EFCAB9: variants seen among roughly 807,000 people sequenced by gnomAD.
EFCAB9 encodes the protein EF-hand calcium binding domain 9.
Under a neutral mutation model 15.6 loss-of-function variants are expected in EFCAB9, and 16 were observed. The observed-to-expected ratio is 1.03, with a 90% CI of 0.69 to 1.56. The LOEUF (loss-of-function observed/expected upper bound fraction) is 1.56. Among genes scored for constraint, EFCAB9 ranks in the 40% most tolerant of loss-of-function variants. The pLI is 0.00. For missense variants in EFCAB9, 208 were observed against 235.4 expected, an observed-to-expected ratio of 0.88 and a Z score of 0.76; for synonymous variants, 76 against 85.4, an observed-to-expected ratio of 0.89 and a Z score of 0.61.
intron 1 of EFCAB9, 140 bp downstream of exon 1, chr5:172,194,448 G>A: frequency 8.9e-7 from 1 of 1,121,480 alleles, no homozygotes; most frequent in South Asian, 1.7e-5. Context: ...TGCCCAGGCT[G>A]GAGTACGATG....
At position 172,203,407 on chromosome 5, in the gene EFCAB9, T is replaced by G; in HGVS notation, c.*62T>G. On this transcript the variant is annotated 3_prime_UTR_variant, in exon 4 of 4. Coordinates refer to ENST00000398186, the MANE Select transcript of EFCAB9 (RefSeq NM_001171183.2). ...TGAAAGTACAGAACATGAACATTGA[T>G]GAAGACTGTTAACATGTCTAAAAAT... 1 of 1,483,630 alleles carries G rather than the reference T, an allele frequency of 6.7e-7. No individual in the cohort carries two copies. Among genetic ancestry groups the G allele is most frequent in the Non-Finnish European group, 8.9e-7 (1 of 1,124,008 alleles). 91.9% of individuals were successfully genotyped at this position (1,483,630 alleles called of 1,614,324 possible).
chr5:172,198,115 A>C (rs1374483528), intron 1 of EFCAB9, among the ~76,000 whole-genome samples: 1 of 152,172 alleles, frequency 6.6e-6, no homozygotes, highest in Non-Finnish European at 1.5e-5. Flanking sequence ...AAAGTTCTCC[A>C]AGTCCCCACT....
At chr5:172,200,808 C>T in intron 3 of EFCAB9, 66 bp downstream of exon 3, 1 of 1,446,476 alleles carries the variant, frequency 6.9e-7, no homozygotes, top group Non-Finnish European at 9.2e-7. Context: ...GAAAAATGTC[C>T]TACTACATAT....
In EFCAB9 at chr5:172,199,435, G is replaced by C; in HGVS notation, c.189G>C (p.Gln63His). ...ATGTGACTGACTTGAAAAAGGCACA[G>C]ATCAACATTGTGTTTGACATGCTGG... Reference protein sequence around the residue: ...LHHVTDLKKAQINIVFDMLDW... With the variant: ...LHHVTDLKKAHINIVFDMLDW... Residue 63 changes from glutamine to histidine, a missense_variant, in exon 2 of 4, where the codon CAG becomes CAC. Coordinates refer to ENST00000398186, the MANE Select transcript of EFCAB9 (RefSeq NM_001171183.2). The C allele has an allele frequency of 1.3e-6, 2 of 1,537,216 alleles. No homozygotes were observed. Among genetic ancestry groups the C allele is most frequent in the Non-Finnish European group, 1.7e-6 (2 of 1,146,894 alleles).
chr5:172,197,129 CAG>C (rs1242270864), intron 1 of EFCAB9, among the ~76,000 whole-genome samples: 4 of 147,478 alleles, frequency 2.7e-5, no homozygotes, highest in African/African-American at 5.0e-5. Context: ...TTTTTTTAAA[CAG>C]AGTTTCACTT....
At chr5:172,197,382 C>T (rs983527902) in intron 1 of EFCAB9, among the ~76,000 whole-genome samples, 1 of 152,182 alleles carries the variant, frequency 6.6e-6, no homozygotes. Flanking sequence ...GCTAGGATTA[C>T]AGGCATGAGC....
At chr5:172,194,983 G>A (rs955518598) in intron 1 of EFCAB9, among the ~76,000 whole-genome samples, 1 of 151,814 alleles carries the variant, frequency 6.6e-6, no homozygotes, top group Non-Finnish European at 1.5e-5. Flanking sequence ...CTGACACATC[G>A]TAAGGACTTA....
intron 2 of EFCAB9, 72 bp from the exon 3 acceptor site, chr5:172,200,494 T>C (rs535310760): frequency 1.4e-6 from 2 of 1,434,462 alleles, no homozygotes; most frequent in East Asian, 2.5e-5. Context: ...TGAAGATATG[T>C]CTTGAGGAAA....
intron 1 of EFCAB9, among the ~76,000 whole-genome samples, chr5:172,195,868 A>G (rs748809779): frequency 1.3e-5 from 2 of 152,222 alleles, no homozygotes; most frequent in South Asian, 4.1e-4. Flanking sequence ...CAGTGGCCCA[A>G]TCTTGGCTCA....
In EFCAB9 at chr5:172,203,274, A is replaced by G; in HGVS notation, c.523A>G (p.Arg175Gly). Residue 175 changes from arginine (R) to glycine (G), a missense_variant, in exon 4 of 4, where the codon AGG becomes GGG. Transcript: ENST00000398186. Reference protein sequence around the residue: ...TIIYTDKLQKRQKTEEKEKGE... With the variant: ...TIIYTDKLQKGQKTEEKEKGE... ...CATCTACACTGACAAATTACAGAAG[A>G]GGCAGAAAACAGAGGAGAAAGAAAA... is the stretch of plus-strand genomic sequence containing the variant. The G allele has an allele frequency of 6.5e-7, 1 of 1,536,962 alleles. No homozygotes were observed. The highest frequency in any genetic ancestry group is 1.4e-5 in the African/African-American group (1 of 73,142).
intron 1 of EFCAB9, 122 bp downstream of exon 1, chr5:172,194,430 C>T (rs1024526303): frequency 1.3e-5 from 17 of 1,261,602 alleles, no homozygotes; most frequent in Admixed American, 1.1e-4. Context: ...GACGGAATCT[C>T]GCTCTATTGC....
At chr5:172,200,216 C>T (rs545353584) in intron 2 of EFCAB9, among the ~76,000 whole-genome samples, 3 of 152,186 alleles carry the variant, frequency 2.0e-5, no homozygotes, top group South Asian at 4.1e-4. Context: ...CACCACACCC[C>T]GCCTCAGTTC....
rs1771293052 is a variant in EFCAB9, at chr5:172,203,454, A to G, written c.*109A>G. On this transcript the variant is annotated 3_prime_UTR_variant, in exon 4 of 4. Transcript: ENST00000398186. ...AAATAAATTCAGAGCATCAAAGTAGATATCTTTATAATGACTTTTTTTTTT... is the reference window on the plus strand; with the variant it reads ...AAATAAATTCAGAGCATCAAAGTAGGTATCTTTATAATGACTTTTTTTTTT... The G allele has an allele frequency of 1.4e-5, 19 of 1,330,888 alleles. No individual in the cohort carries two copies. Among genetic ancestry groups the G allele is most frequent in the South Asian group, 1.1e-4 (7 of 63,132 alleles). 82.4% of individuals were successfully genotyped at this position (1,330,888 alleles called of 1,614,324 possible).
At chr5:172,200,335 A>C (rs1771236077) in intron 2 of EFCAB9, among the ~76,000 whole-genome samples, 1 of 152,222 alleles carries the variant, frequency 6.6e-6, no homozygotes, top group South Asian at 2.1e-4. Flanking sequence ...GGTTCCGTCT[A>C]GCAGAATTGA....
chr5:172,194,426 A>G (rs6862632), intron 1 of EFCAB9, 118 bp downstream of exon 1: 448,180 of 1,286,072 alleles, frequency 0.35, 85,921 homozygotes, highest in African/African-American at 0.75. Flanking sequence ...TTGAGACGGA[A>G]TCTCGCTCTA....
intron 1 of EFCAB9, among the ~76,000 whole-genome samples, chr5:172,195,456 G>A (rs1465514100): frequency 6.6e-6 from 1 of 152,180 alleles, no homozygotes. Flanking sequence ...AGAGATTTAT[G>A]TACAGTGCAT....
In EFCAB9 at chr5:172,203,201, ACC is replaced by A. The variant is rs1315362395; in HGVS notation, c.463-11_463-10del. ...CTGAAATAATTTTTCTTTCCCCCCCACCCTAACCAAAGCGTCTTAATTATCAG... is the reference window on the plus strand; with the variant it reads ...CTGAAATAATTTTTCTTTCCCCCCCACTAACCAAAGCGTCTTAATTATCAG... On this transcript the variant is annotated splice_polypyrimidine_tract_variant and intron_variant, in intron 3 of 3. Coordinates refer to ENST00000398186, the MANE Select transcript of EFCAB9 (RefSeq NM_001171183.2). 1 of 160,250 alleles carries A rather than the reference ACC, an allele frequency of 6.2e-6. No homozygotes were observed. The highest frequency in any genetic ancestry group is 8.6e-6 in the Non-Finnish European group (1 of 115,742). The allele number at this position is 160,250 out of a possible 1,614,324, so 9.9% of individuals were successfully genotyped here. A position where few individuals can be genotyped will look rare whatever the true frequency, so the allele number is the denominator to read the frequency against.
At chr5:172,196,667 C>T (rs991307072) in intron 1 of EFCAB9, among the ~76,000 whole-genome samples, 4 of 151,952 alleles carry the variant, frequency 2.6e-5, no homozygotes, top group Non-Finnish European at 4.4e-5. Context: ...TGACCCACCG[C>T]ACCTGCCCAC....
rs111710772 is a variant in EFCAB9 at position 172,203,062 on chromosome 5, C to T, written c.463-152C>T. Among the ~76,000 whole-genome samples, 850 of 152,282 alleles carry T rather than the reference C, an allele frequency of 5.6e-3. 8 individuals carry two copies. Among genetic ancestry groups the T allele is most frequent in the African/African-American group, 0.019 (798 of 41,552 alleles). On this transcript the variant is annotated intron_variant, in intron 3 of 3. Coordinates refer to ENST00000398186, the MANE Select transcript of EFCAB9 (RefSeq NM_001171183.2). ...AATAGACTCTCTATTCCTGGGTACT[C>T]GACTACAATCGGACTATAATTATGT...
Sources: gnomAD v4.1 joint callset for allele counts (sites outside exome capture counted in the v4.1 genomes callset) on GRCh38, gnomAD v4.1.1 for gene constraint, MANE v1.5 for transcripts, NCBI Gene and HGNC (gene_info 2026-07-23, HGNC 2026-07-21) for gene names.